Variants in TNFRSF8 observed in about 807,000 individuals in gnomAD.
The protein encoded by TNFRSF8 is tumor necrosis factor receptor superfamily member 8.
TNFRSF8 carries 26 observed loss-of-function variants against 70.8 expected under a neutral mutation model. That is an observed-to-expected ratio of 0.37 (90% confidence interval 0.27 to 0.51). The LOEUF is 0.51. Among genes scored for constraint, TNFRSF8 ranks in the 20% least tolerant of loss-of-function variants. The pLI is 0.94. For synonymous variants in TNFRSF8, 356 were observed against 339.2 expected, an observed-to-expected ratio of 1.05 and a Z score of -0.54; for missense variants, 720 against 807.9, an observed-to-expected ratio of 0.89 and a Z score of 1.32.
At chr1:12,101,774 C>T (rs772363463) in intron 3 of TNFRSF8, among the ~76,000 whole-genome samples, 2 of 152,036 alleles carry the variant, frequency 1.3e-5, no homozygotes, top group African/African-American at 2.4e-5. Flanking sequence ...TGGGTTCAAG[C>T]GATTCTCCTG....
At chr1:12,069,758 G>A (rs985958081) in intron 1 of TNFRSF8, among the ~76,000 whole-genome samples, 4 of 152,190 alleles carry the variant, frequency 2.6e-5, no homozygotes, top group Admixed American at 6.5e-5. Context: ...TCTGCCCCAC[G>A]GAACTGACAT....
intron 1 of TNFRSF8, among the ~76,000 whole-genome samples, chr1:12,068,828 C>G (rs1413201399): frequency 6.6e-6 from 1 of 152,016 alleles, no homozygotes; most frequent in African/African-American, 2.4e-5. Context: ...TTAGCTTTGG[C>G]ATTTAGATGA....
rs1202835139 is a variant in TNFRSF8 at position 12,111,838 on chromosome 1, TGG to T, written c.677-57_677-56del. On this transcript the variant is annotated intron_variant, in intron 6 of 14. Transcript: ENST00000263932. The stretch of plus-strand genomic sequence containing the variant: ...AGGGATGGGGGGCTTCAGGGTTGGG[TGG>T]GGAGTGAGGCCTTTGCCAAGGCGGC... The T allele has an allele frequency of 1.8e-4, 257 of 1,412,126 alleles. 1 individual carries two copies. The East Asian group carries it at 5.7e-3, about 32-fold the overall frequency. 87.5% of individuals were successfully genotyped at this position (1,412,126 alleles called of 1,614,324 possible). A position where few individuals can be genotyped will look rare whatever the true frequency, so the allele number is the denominator to read the frequency against.
chr1:12,073,955 T>C (rs1385814391), intron 1 of TNFRSF8, among the ~76,000 whole-genome samples: 1 of 151,824 alleles, frequency 6.6e-6, no homozygotes, highest in Non-Finnish European at 1.5e-5. Flanking sequence ...CCCGGGAACG[T>C]ACTTCAGGGC....
intron 6 of TNFRSF8, 145 bp from the exon 7 acceptor site, chr1:12,111,753 G>T: frequency 1.4e-6 from 1 of 705,848 alleles, no homozygotes; most frequent in Non-Finnish European, 2.6e-6. Context: ...CTGAGCCTCA[G>T]GACTCCCTCT....
rs1641565369 is a variant in TNFRSF8 at position 12,108,339 on chromosome 1, A to G, written c.422-1227A>G. Among the ~76,000 whole-genome samples, 1 of 151,204 alleles carries G rather than the reference A, an allele frequency of 6.6e-6. No individual in the cohort carries two copies. The highest frequency in any genetic ancestry group is 2.4e-5 in the African/African-American group (1 of 41,108). ...ATGATCCGCCCACCTCGGCCTCCCA[A>G]AGTGTTGGGATTACAGGTGTGAGCC... On this transcript the variant is annotated intron_variant, in intron 4 of 14. Coordinates refer to ENST00000263932, the MANE Select transcript of TNFRSF8 (RefSeq NM_001243.5). The surrounding 1 kb of genome is among the most constrained non-coding windows in gnomAD (Gnocchi z 4.0).
chr1:12,139,550 G>T (rs116257598), intron 14 of TNFRSF8, among the ~76,000 whole-genome samples: 84 of 152,314 alleles, frequency 5.5e-4, no homozygotes, highest in African/African-American at 1.9e-3. Flanking sequence ...GTGACTGCGT[G>T]TTTATAGCCT....
At chr1:12,075,438 G>A (rs1246004496) in intron 1 of TNFRSF8, among the ~76,000 whole-genome samples, 2 of 151,996 alleles carry the variant, frequency 1.3e-5, no homozygotes, top group South Asian at 2.1e-4. Context: ...TTGATGAAAC[G>A]CTGTTTGGGA....
intron 1 of TNFRSF8, among the ~76,000 whole-genome samples, chr1:12,083,167 G>T (rs115076822): frequency 0.013 from 1,933 of 152,328 alleles, 47 homozygotes; most frequent in African/African-American, 0.044. Flanking sequence ...ACCAAGTGCT[G>T]ACAAGGATGT....
At chr1:12,075,402 C>A (rs1027872180) in intron 1 of TNFRSF8, among the ~76,000 whole-genome samples, 1 of 152,122 alleles carries the variant, frequency 6.6e-6, no homozygotes, top group Admixed American at 6.6e-5. Context: ...TGCCTATCAT[C>A]TGTTACCATC....
At chr1:12,097,263 AG>A (rs781245655) in intron 3 of TNFRSF8, 46 bp downstream of exon 3, 1 of 1,437,006 alleles carries the variant, frequency 7.0e-7, no homozygotes, top group African/African-American at 1.4e-5. Context: ...AGGGAGCATG[AG>A]GGGTCCTCAG....
rs376461041 is a variant in TNFRSF8 at position 12,125,976 on chromosome 1, G to A, written c.1179G>A (p.Leu393=). Residue 393 remains leucine (L), a synonymous_variant, in exon 11 of 15, where the codon CTG becomes CTA. Coordinates refer to ENST00000263932, the MANE Select transcript of TNFRSF8 (RefSeq NM_001243.5). The part of the protein sequence containing the change: ...DAGPVLFWVI[L]VLVVVVGSSA... ...GGCCAGTGCTCTTCTGGGTGATCCT[G>A]GTGTTGGTTGTGGTGGTCGGCTCCA... The A allele has an allele frequency of 3.1e-6, 5 of 1,614,190 alleles. No individual in the cohort carries two copies. Among genetic ancestry groups the A allele is most frequent in the Non-Finnish European group, 4.2e-6 (5 of 1,180,020 alleles).
In TNFRSF8 at chr1:12,113,356, T is replaced by A. The variant is rs1198895605; in HGVS notation, c.793+1342T>A. 1.3e-5 allele frequency among the ~76,000 whole-genome samples: 2 copies of A among 152,208 alleles called. No homozygotes were observed. Among genetic ancestry groups the A allele is most frequent in the Admixed American group, 6.5e-5 (1 of 15,282 alleles). On this transcript the variant is annotated intron_variant, in intron 7 of 14. Coordinates refer to ENST00000263932, the MANE Select transcript of TNFRSF8 (RefSeq NM_001243.5). This position sits in a 1 kb window ranked among gnomAD's most constrained non-coding sequence, Gnocchi z 4.9. ...TTTTTTTCTTTTTTTGTATTTTTAG[T>A]AGAGACGGGGTTTCACCATGTTGGC... is the stretch of plus-strand genomic sequence containing the variant.
At chr1:12,067,160 C>G (rs923103483) in intron 1 of TNFRSF8, among the ~76,000 whole-genome samples, 11 of 152,152 alleles carry the variant, frequency 7.2e-5, no homozygotes, top group Non-Finnish European at 8.8e-5. Context: ...ATTTATTCCC[C>G]CATAGCTCCA....
intron 6 of TNFRSF8, among the ~76,000 whole-genome samples, chr1:12,111,303 T>A (rs1641625469): frequency 6.6e-6 from 1 of 152,108 alleles, no homozygotes; most frequent in Non-Finnish European, 1.5e-5. Context: ...TGCCTCAGCC[T>A]CCCGAGTAGC....
chr1:12,133,913 C>T (rs148154128), intron 12 of TNFRSF8, among the ~76,000 whole-genome samples: 4,080 of 152,012 alleles, frequency 0.027, 144 homozygotes, highest in African/African-American at 0.092. Context: ...ATTAGCCGGG[C>T]GTGGTGGCAC....
At chr1:12,129,417 C>A (rs1211712914) in intron 12 of TNFRSF8, among the ~76,000 whole-genome samples, 1 of 152,166 alleles carries the variant, frequency 6.6e-6, no homozygotes, top group African/African-American at 2.4e-5. Flanking sequence ...TGATACATGA[C>A]CCACAATGAA....
intron 12 of TNFRSF8, among the ~76,000 whole-genome samples, chr1:12,134,293 G>A (rs1391634860): frequency 2.0e-5 from 3 of 152,164 alleles, no homozygotes; most frequent in Non-Finnish European, 2.9e-5. Flanking sequence ...CCTGACAACA[G>A]CATATTCCAG....
At chr1:12,106,640 TG>T (rs941422584) in intron 4 of TNFRSF8, among the ~76,000 whole-genome samples, 7 of 151,508 alleles carry the variant, frequency 4.6e-5, no homozygotes, top group Non-Finnish European at 7.4e-5. Flanking sequence ...TCCGAGCTGG[TG>T]GGGGGGTGGA....
Sources: allele counts gnomAD v4.1 joint callset (sites outside exome capture counted in the v4.1 genomes callset), GRCh38; gene constraint gnomAD v4.1.1; non-coding constraint Gnocchi (gnomAD v3.1); transcripts MANE v1.5; gene names NCBI Gene and HGNC (gene_info 2026-07-23, HGNC 2026-07-21).